Variants in CNIH2 observed in about 807,000 individuals in gnomAD.
CNIH2 encodes the protein cornichon family AMPA receptor auxiliary protein 2.
Under a neutral mutation model 22.9 loss-of-function variants are expected in CNIH2, and 8 were observed. The observed-to-expected ratio is 0.35, with a 90% CI of 0.20 to 0.63. The LOEUF is 0.63. Ranked by LOEUF, CNIH2 falls within the 30% of genes least tolerant of loss-of-function variation. CNIH2 has a pLI of 0.72. For synonymous variants in CNIH2, 74 were observed against 78.2 expected (o/e 0.95, Z 0.28); for missense variants, 105 against 206.2 (o/e 0.51, Z 3.01).
Position 66,283,591 on chromosome 11 carries a change from T to C in CNIH2, c.477T>C (p.Ser159=). The change falls in exon 6 of 6, where the codon AGT becomes AGC. Residue 159 remains serine (S), a synonymous_variant. Coordinates refer to ENST00000311445, the MANE Select transcript of CNIH2 (RefSeq NM_182553.3). ...ACAGTATGGTTTATACGTTGGTGAG[T>C]TTCTAAGGGGGAAGCCGGCCAGGGA... The part of the protein sequence containing the change: ...YLYSMVYTLV[S]F 6.3e-7 allele frequency: 1 copy of C among 1,578,652 alleles called. No individual in the cohort carries two copies. Among genetic ancestry groups the C allele is most frequent in the African/African-American group, 1.4e-5 (1 of 73,956 alleles).
At chr11:66,282,994 C>T in intron 3 of CNIH2, 41 bp from the exon 4 acceptor site, 1 of 1,555,458 alleles carries the variant, frequency 6.4e-7, no homozygotes, top group Non-Finnish European at 8.9e-7. Context: ...GCTGGTCTGT[C>T]ATAGCACCAG....
chr11:66,282,423 T>TGGGG, intron 2 of CNIH2, 96 bp downstream of exon 2: 4 of 147,066 alleles, frequency 2.7e-5, no homozygotes, highest in Admixed American at 8.8e-5. Context: ...GGGGGTGGGG[T>TGGGG]GGGGGGCCTA....
rs776254344 is a variant in CNIH2, at chr11:66,283,757, AC to A, written c.*164del. ...ACTGCTGCTGCGGGGAACCCCCCCCACCCCGCCTTCAGAGCCCTCCCCCTTG... is the reference window on the plus strand; with the variant it reads ...ACTGCTGCTGCGGGGAACCCCCCCCACCCGCCTTCAGAGCCCTCCCCCTTG... On this transcript the variant is annotated 3_prime_UTR_variant, in exon 6 of 6. Coordinates refer to ENST00000311445, the MANE Select transcript of CNIH2 (RefSeq NM_182553.3). The A allele has an allele frequency of 9.7e-5, 70 of 718,282 alleles. No individual in the cohort carries two copies. The highest frequency in any genetic ancestry group is 1.5e-4 in the Non-Finnish European group (66 of 446,008). The allele number at this position is 718,282 out of a possible 1,614,324, so 44.5% of individuals were successfully genotyped here. A position where few individuals can be genotyped will look rare whatever the true frequency, so the allele number is the denominator to read the frequency against.
intron 1 of CNIH2, among the ~76,000 whole-genome samples, chr11:66,280,691 C>T (rs775998339): frequency 5.9e-5 from 9 of 152,162 alleles, no homozygotes; most frequent in Non-Finnish European, 1.3e-4. Flanking sequence ...GTACAGACGG[C>T]ACCCTTCTGC....
At chr11:66,282,423 T>TATGGGGGGGGGGGGGGG in intron 2 of CNIH2, 96 bp downstream of exon 2, 1 of 147,066 alleles carries the variant, frequency 6.8e-6, no homozygotes, top group Non-Finnish European at 1.3e-5. Context: ...GGGGGTGGGG[T>TATGGGGGGGGGGGGGGG]GGGGGGCCTA....
rs748492246 is a variant in CNIH2, at chr11:66,278,545, CGGGCTG to C, written c.81+24_81+29del. The C allele has an allele frequency of 1.1e-4, 73 of 646,022 alleles. No individual in the cohort carries two copies. The highest frequency in any genetic ancestry group is 1.9e-4 in the African/African-American group (9 of 46,458). 40.0% of individuals were successfully genotyped at this position (646,022 alleles called of 1,614,324 possible). ...TTCTTTGTCATCTGGCACGTAAGGCCGGGCTGGGGCTGGGGCTGGGGGCGGGGTGGG... is the reference window on the plus strand; with the variant it reads ...TTCTTTGTCATCTGGCACGTAAGGCCGGGCTGGGGCTGGGGGCGGGGTGGG... On this transcript the variant is annotated intron_variant, in intron 1 of 5. Coordinates refer to ENST00000311445, the MANE Select transcript of CNIH2 (RefSeq NM_182553.3).
intron 3 of CNIH2, 78 bp from the exon 4 acceptor site, chr11:66,282,957 C>T: frequency 7.0e-7 from 1 of 1,424,786 alleles, no homozygotes; most frequent in Non-Finnish European, 9.9e-7. Flanking sequence ...ACCTCCCAAA[C>T]CCCAGCTCCT....
At chr11:66,282,429 G>GGGTTTGGGGGGGGGGGGGGGGGGGGGC in intron 2 of CNIH2, 102 bp downstream of exon 2, 1 of 479,466 alleles carries the variant, frequency 2.1e-6, no homozygotes, top group Non-Finnish European at 4.2e-6. Flanking sequence ...GGGGTGGGGG[G>GGGTTTGGGGGGGGGGGGGGGGGGGGGC]CCTACGGCCA....
Position 66,281,314 on chromosome 11 carries a change from C to G in CNIH2, c.82-945C>G, listed in dbSNP as rs375435093. The G allele has an allele frequency of 1.0e-4, 45 of 451,726 alleles. No homozygotes were observed. The East Asian group carries it at 3.1e-3, about 31-fold the overall frequency. 28.0% of individuals were successfully genotyped at this position (451,726 alleles called of 1,614,324 possible). A position where few individuals can be genotyped will look rare whatever the true frequency, so the allele number is the denominator to read the frequency against. ...GTGTGGCCCTGGACAAGTCACTTAA[C>G]CTGCCTCAGCTTCCTCATCTGCAAA... is the stretch of plus-strand genomic sequence containing the variant. On this transcript the variant is annotated intron_variant, in intron 1 of 5. Coordinates refer to ENST00000311445, the MANE Select transcript of CNIH2 (RefSeq NM_182553.3).
Position 66,284,041 on chromosome 11 carries a change from C to T in CNIH2, c.*444C>T, listed in dbSNP as rs12801157. Reference sequence around the variant, plus strand: ...GCTCAGCAGGGGGGCAGCCCCACCCCTAGTCTGCCCTCCCCTCTCCCCCAG... The same window carrying T: ...GCTCAGCAGGGGGGCAGCCCCACCCTTAGTCTGCCCTCCCCTCTCCCCCAG... On this transcript the variant is annotated 3_prime_UTR_variant, in exon 6 of 6. Coordinates refer to ENST00000311445, the MANE Select transcript of CNIH2 (RefSeq NM_182553.3). 1.0e-5 allele frequency: 2 copies of T among 199,704 alleles called. No homozygotes were observed. Among genetic ancestry groups the T allele is most frequent in the Admixed American group, 1.1e-4 (2 of 18,824 alleles). The allele number at this position is 199,704 out of a possible 1,614,324, so 12.4% of individuals were successfully genotyped here. A position where few individuals can be genotyped will look rare whatever the true frequency, so the allele number is the denominator to read the frequency against.
At chr11:66,283,177 G>A in intron 4 of CNIH2, 30 bp downstream of exon 4, 2 of 1,613,792 alleles carry the variant, frequency 1.2e-6, no homozygotes, top group Non-Finnish European at 8.5e-7. Flanking sequence ...TGGGGAGGCT[G>A]AGATGGGGAA....
chr11:66,283,065 C>A lies in CNIH2; in HGVS notation c.229C>A (p.Leu77Ile), dbSNP rs71457709. ...GGTCCCAGAATACTCCATCCACGGC[C>A]TCTTCTGTCTGATGTTTCTGTGTGC... ...LVVPEYSIHG[L>I]FCLMFLCAAE... The change falls in exon 4 of 6, where the codon CTC (leucine) becomes ATC (isoleucine). Residue 77 changes from leucine to isoleucine, a missense_variant. Coordinates refer to ENST00000311445, the MANE Select transcript of CNIH2 (RefSeq NM_182553.3). 6.2e-7 allele frequency: 1 copy of A among 1,613,930 alleles called. No homozygotes were observed.
chr11:66,281,410 C>A (rs985900114), intron 1 of CNIH2: 2 of 456,114 alleles, frequency 4.4e-6, no homozygotes, highest in African/African-American at 4.0e-5. Context: ...ATCCACATAC[C>A]GGCCAGGAGA....
At chr11:66,279,278 C>T (rs893975456) in intron 1 of CNIH2, among the ~76,000 whole-genome samples, 7 of 152,044 alleles carry the variant, frequency 4.6e-5, no homozygotes, top group Admixed American at 3.9e-4. Flanking sequence ...ATGTCCATTC[C>T]TCATCCTGCA....
chr11:66,283,648 C>T lies in CNIH2; in HGVS notation c.*51C>T, dbSNP rs1418463230. 6 of 1,547,226 alleles carry T rather than the reference C, an allele frequency of 3.9e-6. No individual in the cohort carries two copies. The highest frequency in any genetic ancestry group is 5.2e-6 in the Non-Finnish European group (6 of 1,143,816). ...CCAGAACGGACCGGACGCCTGTGCA[C>T]CCCCAGCCCTGCCCCTTGGCCGCAG... On this transcript the variant is annotated 3_prime_UTR_variant, in exon 6 of 6. Coordinates refer to ENST00000311445, the MANE Select transcript of CNIH2 (RefSeq NM_182553.3).
intron 2 of CNIH2, 63 bp downstream of exon 2, chr11:66,282,390 C>A: frequency 1.3e-5 from 3 of 228,732 alleles, no homozygotes; most frequent in South Asian, 5.0e-5. Flanking sequence ...CTGTCGTGGG[C>A]TGGGGGTGGG....
chr11:66,282,960 C>A, intron 3 of CNIH2, 75 bp from the exon 4 acceptor site: 4 of 1,437,906 alleles, frequency 2.8e-6, no homozygotes, highest in Non-Finnish European at 9.8e-7. Flanking sequence ...TCCCAAACCC[C>A]AGCTCCTCTC....
intron 3 of CNIH2, 41 bp from the exon 4 acceptor site, chr11:66,282,994 C>G: frequency 6.4e-7 from 1 of 1,555,458 alleles, no homozygotes; most frequent in Non-Finnish European, 8.9e-7. Context: ...GCTGGTCTGT[C>G]ATAGCACCAG....
At chr11:66,282,411 A>AAGGG in intron 2 of CNIH2, 84 bp downstream of exon 2, 1 of 94,874 alleles carries the variant, frequency 1.1e-5, no homozygotes, top group Admixed American at 1.7e-4. Context: ...AGACGGGAAG[A>AAGGG]CGGGGGTGGG....
Sources: gnomAD v4.1 joint callset for allele counts (sites outside exome capture counted in the v4.1 genomes callset) on GRCh38, gnomAD v4.1.1 for gene constraint, MANE v1.5 for transcripts, NCBI Gene and HGNC (gene_info 2026-07-23, HGNC 2026-07-21) for gene names.